CDH12: variants seen among roughly 807,000 people sequenced by gnomAD.
CDH12 encodes cadherin-12.
In CDH12, 41 loss-of-function variants were observed where a neutral mutation model predicts 74.1. That is an observed-to-expected ratio of 0.55 (90% CI 0.43 to 0.72). The LOEUF (loss-of-function observed/expected upper bound fraction) is 0.72, where lower values mean the gene tolerates loss of function less well. Among genes scored for constraint, CDH12 ranks in the 30% least tolerant of loss-of-function variants. The pLI is 0.00. For missense variants in CDH12, 945 were observed against 977.2 expected, an observed-to-expected ratio of 0.97 and a Z score of 0.44; for synonymous variants, 399 against 355.0, an observed-to-expected ratio of 1.12 and a Z score of -1.39.
intron 3 of CDH12, among the ~76,000 whole-genome samples, chr5:22,239,671 G>A (rs552003277): frequency 1.4e-4 from 21 of 152,070 alleles, no homozygotes; most frequent in Non-Finnish European, 2.5e-4. Context: ...TAACGGTGTT[G>A]AGGAAATTAA....
chr5:22,711,742 ATGT>A lies in CDH12; in HGVS notation c.-523+141313_-523+141315del, dbSNP rs772282859. Among the ~76,000 whole-genome samples the A allele has an allele frequency of 5.3e-5, 8 of 152,212 alleles. No homozygotes were observed. The East Asian group carries it at 1.5e-3, about 29-fold the overall frequency. On this transcript the variant is annotated intron_variant, in intron 1 of 14. Transcript: ENST00000382254. Reference sequence around the variant, plus strand: ...TTGATTCTTTAGGGAAAAATAAAACATGTTGTGAAATAACAAAGGAGAAATTAA... The same window carrying A: ...TTGATTCTTTAGGGAAAAATAAAACATGTGAAATAACAAAGGAGAAATTAA...
chr5:22,726,753 A>G (rs1744183585), intron 1 of CDH12, among the ~76,000 whole-genome samples: 1 of 151,828 alleles, frequency 6.6e-6, no homozygotes, highest in Non-Finnish European at 1.5e-5. Flanking sequence ...CCTGTTCTTG[A>G]AAAGCCTGAG....
Position 22,438,464 on chromosome 5 carries a change from C to T in CDH12, c.-427-33113G>A, listed in dbSNP as rs185322515. 2.1e-3 allele frequency among the ~76,000 whole-genome samples: 327 copies of T among 152,134 alleles called. 1 individual carries two copies. Among genetic ancestry groups the T allele is most frequent in the African/African-American group, 7.6e-3 (315 of 41,558 alleles). ...TATTATAGAACCAGTGAATAAGTTT[C>T]AAGTTTAAACAAGAGTTCAAATCTA... On this transcript the variant is annotated intron_variant, in intron 2 of 14. Coordinates refer to ENST00000382254, the MANE Select transcript of CDH12 (RefSeq NM_004061.5).
intron 3 of CDH12, among the ~76,000 whole-genome samples, chr5:22,361,761 TC>T (rs1740811435): frequency 6.6e-6 from 1 of 152,056 alleles, no homozygotes; most frequent in South Asian, 2.1e-4. Flanking sequence ...AACAGAGACC[TC>T]AGAAATAATA....
Position 22,606,315 on chromosome 5 carries a change from C to A in CDH12, c.-522-100951G>T, listed in dbSNP as rs929665431. Among the ~76,000 whole-genome samples, 5 of 152,150 alleles carry A rather than the reference C, an allele frequency of 3.3e-5. No homozygotes were observed. In the South Asian group the frequency reaches 1.0e-3, roughly 32 times the overall value. On this transcript the variant is annotated intron_variant, in intron 1 of 14. Coordinates refer to ENST00000382254, the MANE Select transcript of CDH12 (RefSeq NM_004061.5). ...TACCTGTAGTACCAACTCCCTGTGC[C>A]ATCTCATGGGTGTCACTGCTTTCTA...
At position 21,955,252 on chromosome 5, in the gene CDH12, G is replaced by A. The variant is rs146082203; in HGVS notation, c.526+19839C>T. The stretch of plus-strand genomic sequence containing the variant: ...GGGTAGAGATTTGTGGAGCTAAGTT[G>A]GTCTTAATCAAATGTCAAGCTTTTT... On this transcript the variant is annotated intron_variant, in intron 6 of 14. Coordinates refer to ENST00000382254, the MANE Select transcript of CDH12 (RefSeq NM_004061.5). Among the ~76,000 whole-genome samples the A allele has an allele frequency of 2.5e-3, 379 of 151,662 alleles. 1 individual carries two copies. Among genetic ancestry groups the A allele is most frequent in the African/African-American group, 8.8e-3 (364 of 41,418 alleles).
intron 13 of CDH12, among the ~76,000 whole-genome samples, chr5:21,759,257 CT>C (rs147142001): frequency 0.065 from 9,744 of 149,054 alleles, 502 homozygotes; most frequent in African/African-American, 0.14. Context: ...TGTTAAGTGG[CT>C]TTTTTTTTAA....
intron 2 of CDH12, among the ~76,000 whole-genome samples, chr5:22,433,272 A>T (rs1440717649): frequency 2.0e-5 from 3 of 152,234 alleles, no homozygotes; most frequent in African/African-American, 7.2e-5. Flanking sequence ...ATGAAGAATA[A>T]CATTTGCCAT....
chr5:21,886,914 T>C (rs1018885071), intron 6 of CDH12, among the ~76,000 whole-genome samples: 1 of 152,126 alleles, frequency 6.6e-6, no homozygotes, highest in Non-Finnish European at 1.5e-5. Context: ...AATGAAGCAG[T>C]TGGCTATGAC....
At chr5:22,643,265 A>C (rs1159748698) in intron 1 of CDH12, among the ~76,000 whole-genome samples, 1 of 152,154 alleles carries the variant, frequency 6.6e-6, no homozygotes, top group Admixed American at 6.6e-5. Context: ...CTGGGTAGTC[A>C]GCTGGTTTCA....
intron 4 of CDH12, among the ~76,000 whole-genome samples, chr5:22,145,668 C>T (rs1233424838): frequency 2.0e-5 from 3 of 152,038 alleles, no homozygotes; most frequent in Non-Finnish European, 4.4e-5. Flanking sequence ...GCTAAATGAA[C>T]AAGAGAACAT....
At chr5:22,654,083 C>T (rs1175922623) in intron 1 of CDH12, among the ~76,000 whole-genome samples, 4 of 142,936 alleles carry the variant, frequency 2.8e-5, no homozygotes, top group Non-Finnish European at 6.1e-5. Flanking sequence ...TCTCCCTTCC[C>T]CTTCCTTTCT....
intron 6 of CDH12, among the ~76,000 whole-genome samples, chr5:21,873,376 A>G (rs192879260): frequency 2.0e-5 from 3 of 152,266 alleles, no homozygotes; most frequent in Admixed American, 1.3e-4. Flanking sequence ...CAGAAGAGAC[A>G]TATGCTGGGA....
At chr5:22,841,669 G>A (rs945365536) in intron 1 of CDH12, among the ~76,000 whole-genome samples, 2 of 152,144 alleles carry the variant, frequency 1.3e-5, no homozygotes, top group Non-Finnish European at 2.9e-5. Context: ...CTGGAACTGA[G>A]AAGGAATAGC....
intron 1 of CDH12, among the ~76,000 whole-genome samples, chr5:22,701,067 G>A (rs1742690002): frequency 1.3e-5 from 2 of 151,880 alleles, no homozygotes; most frequent in South Asian, 4.2e-4. Context: ...CTCTTTGATT[G>A]TTAATCTGAT....
At chr5:21,823,902 T>C (rs1748513196) in intron 8 of CDH12, among the ~76,000 whole-genome samples, 1 of 152,168 alleles carries the variant, frequency 6.6e-6, no homozygotes, top group Non-Finnish European at 1.5e-5. Context: ...TCTCTCACTC[T>C]TCCTTTAGAC....
At chr5:22,191,229 AT>A (rs1228512908) in intron 4 of CDH12, among the ~76,000 whole-genome samples, 1 of 151,692 alleles carries the variant, frequency 6.6e-6, no homozygotes, top group Non-Finnish European at 1.5e-5. Flanking sequence ...CTGGCCATCA[AT>A]TTTCCCAAGA....
intron 6 of CDH12, among the ~76,000 whole-genome samples, chr5:21,936,398 AT>A (rs925661477): frequency 3.6e-4 from 55 of 151,360 alleles, no homozygotes; most frequent in African/African-American, 1.3e-3. Flanking sequence ...TCACTCTTTT[AT>A]TTTTTTAAGT....
At chr5:22,128,667 C>T (rs1746015688) in intron 4 of CDH12, among the ~76,000 whole-genome samples, 1 of 151,912 alleles carries the variant, frequency 6.6e-6, no homozygotes, top group Admixed American at 6.6e-5. Context: ...TAGCTGTTCC[C>T]CTAAGATATT....
Sources: allele counts gnomAD v4.1 joint callset (sites outside exome capture counted in the v4.1 genomes callset), GRCh38; gene constraint gnomAD v4.1.1; transcripts MANE v1.5; gene names NCBI Gene and HGNC (gene_info 2026-07-23, HGNC 2026-07-21).